ARFIP1: variants seen among roughly 807,000 people sequenced by gnomAD.
ARFIP1 encodes the protein arfaptin-1.
ARFIP1 carries 24 observed loss-of-function variants against 42.5 expected under a neutral mutation model. The ratio of observed to expected loss-of-function variants is 0.57; its 90% CI spans 0.41 to 0.80. ARFIP1 has a LOEUF of 0.80. Among genes scored for constraint, ARFIP1 ranks in the 30% least tolerant of loss-of-function variants. ARFIP1 has a pLI of 0.00. For synonymous variants in ARFIP1, 141 were observed against 153.7 expected, an observed-to-expected ratio of 0.92 and a Z score of 0.61; for missense variants, 354 against 434.0, an observed-to-expected ratio of 0.82 and a Z score of 1.64.
intron 1 of ARFIP1, among the ~76,000 whole-genome samples, chr4:152,788,570 A>G (rs574003340): frequency 8.8e-4 from 134 of 152,242 alleles, no homozygotes; most frequent in African/African-American, 3.1e-3. Context: ...GATCTCAGCT[A>G]CTTGGGAGGC....
intron 8 of ARFIP1, among the ~76,000 whole-genome samples, chr4:152,908,171 T>C (rs1282598328): frequency 6.6e-6 from 1 of 152,242 alleles, no homozygotes; most frequent in East Asian, 1.9e-4. Context: ...CTGTGTTATT[T>C]GCTCTTTTTT....
chr4:152,902,811 C>G (rs572791159), intron 8 of ARFIP1, among the ~76,000 whole-genome samples: 2 of 152,314 alleles, frequency 1.3e-5, no homozygotes, highest in East Asian at 3.9e-4. Context: ...TTCTTTGTCT[C>G]TCTCTGAAAG....
intron 1 of ARFIP1, among the ~76,000 whole-genome samples, chr4:152,792,315 CAT>C (rs1180535705): frequency 6.6e-6 from 1 of 152,154 alleles, no homozygotes; most frequent in East Asian, 1.9e-4. Flanking sequence ...TTTGAAGACT[CAT>C]ATTTTATCAT....
intron 2 of ARFIP1, among the ~76,000 whole-genome samples, chr4:152,832,444 T>A (rs1210071767): frequency 6.6e-6 from 1 of 152,220 alleles, no homozygotes; most frequent in Non-Finnish European, 1.5e-5. Flanking sequence ...TTTTTTCTAA[T>A]CTATTTGTAG....
At chr4:152,832,515 C>T (rs1455378375) in intron 2 of ARFIP1, among the ~76,000 whole-genome samples, 2 of 152,086 alleles carry the variant, frequency 1.3e-5, no homozygotes, top group South Asian at 2.1e-4. Context: ...CAAATATCTT[C>T]TTCCAGTCTA....
chr4:152,786,428 T>C (rs1193919124), intron 1 of ARFIP1, among the ~76,000 whole-genome samples: 1 of 152,244 alleles, frequency 6.6e-6, no homozygotes, highest in Non-Finnish European at 1.5e-5. Context: ...TCCAGAAAAC[T>C]AGAAGTGATC....
intron 1 of ARFIP1, among the ~76,000 whole-genome samples, chr4:152,791,200 T>A (rs1283593660): frequency 6.6e-6 from 1 of 152,202 alleles, no homozygotes; most frequent in African/African-American, 2.4e-5. Context: ...GTTATTCTAT[T>A]TATAAAAATA....
chr4:152,880,825 A>T lies in ARFIP1; in HGVS notation c.412-138A>T, dbSNP rs1439894670. ...TGGTGAATTTACTTTCTGAGTCCTGATCAAGTAAGGGAGCTGACAATTTTC... is the reference window on the plus strand; with the variant it reads ...TGGTGAATTTACTTTCTGAGTCCTGTTCAAGTAAGGGAGCTGACAATTTTC... On this transcript the variant is annotated intron_variant, in intron 5 of 8. Transcript: ENST00000353617. The T allele has an allele frequency of 7.7e-5, 49 of 639,426 alleles. No homozygotes were observed. The East Asian group carries it at 1.3e-3, about 17-fold the overall frequency. 39.6% of individuals were successfully genotyped at this position (639,426 alleles called of 1,614,324 possible). A position where few individuals can be genotyped will look rare whatever the true frequency, so the allele number is the denominator to read the frequency against.
chr4:152,851,935 A>G (rs540247167), intron 2 of ARFIP1, among the ~76,000 whole-genome samples: 4 of 152,364 alleles, frequency 2.6e-5, no homozygotes, highest in East Asian at 1.9e-4. Context: ...TATGAAAGCT[A>G]TTACTACAAA....
At chr4:152,866,343 C>T (rs1441362578) in intron 3 of ARFIP1, among the ~76,000 whole-genome samples, 1 of 152,258 alleles carries the variant, frequency 6.6e-6, no homozygotes, top group Admixed American at 6.5e-5. Flanking sequence ...TTCCACAAAA[C>T]CGCCATTGTC....
chr4:152,834,641 C>T (rs999427756), intron 2 of ARFIP1, among the ~76,000 whole-genome samples: 5 of 152,336 alleles, frequency 3.3e-5, no homozygotes, highest in South Asian at 2.1e-4. Flanking sequence ...GGGATGGGCA[C>T]CTCAGGCTTT....
chr4:152,842,138 G>C (rs1732141348), intron 2 of ARFIP1, among the ~76,000 whole-genome samples: 1 of 152,084 alleles, frequency 6.6e-6, no homozygotes, highest in Non-Finnish European at 1.5e-5. Flanking sequence ...ATAGTAAAGA[G>C]AGCTCACTAA....
At chr4:152,801,522 G>A (rs541217610) in intron 1 of ARFIP1, among the ~76,000 whole-genome samples, 37 of 152,196 alleles carry the variant, frequency 2.4e-4, no homozygotes, top group African/African-American at 8.7e-4. Context: ...GTAATTATCC[G>A]GATTTCACCA....
At chr4:152,802,575 T>C (rs1054148783) in intron 1 of ARFIP1, among the ~76,000 whole-genome samples, 5 of 152,150 alleles carry the variant, frequency 3.3e-5, no homozygotes, top group African/African-American at 1.2e-4. Context: ...TACCACTTTG[T>C]TTTTGTTTGC....
At chr4:152,870,028 T>C (rs960308017) in intron 3 of ARFIP1, among the ~76,000 whole-genome samples, 5 of 152,210 alleles carry the variant, frequency 3.3e-5, no homozygotes, top group African/African-American at 7.2e-5. Context: ...GTGATTCTTA[T>C]AATGTCAAAA....
At chr4:152,818,374 A>G (rs1730077685) in intron 1 of ARFIP1, among the ~76,000 whole-genome samples, 1 of 152,226 alleles carries the variant, frequency 6.6e-6, no homozygotes, top group Non-Finnish European at 1.5e-5. Flanking sequence ...AACCCTGTCC[A>G]GCACTGGAGC....
chr4:152,814,723 A>G (rs2149835108), intron 1 of ARFIP1, among the ~76,000 whole-genome samples: 1 of 152,284 alleles, frequency 6.6e-6, no homozygotes, highest in East Asian at 1.9e-4. Flanking sequence ...AAGGTAAGGT[A>G]AAGGTAAAAG....
intron 8 of ARFIP1, among the ~76,000 whole-genome samples, chr4:152,909,073 C>A (rs1403006341): frequency 1.3e-5 from 2 of 152,088 alleles, no homozygotes; most frequent in Admixed American, 6.6e-5. Context: ...TCTTATTTAA[C>A]ATTTTGCAGT....
intron 1 of ARFIP1, among the ~76,000 whole-genome samples, chr4:152,819,215 C>G (rs941997391): frequency 6.6e-6 from 1 of 152,120 alleles, no homozygotes; most frequent in African/African-American, 2.4e-5. Flanking sequence ...TGGCACAGCC[C>G]CGTTACAGCA....
Sources: gnomAD v4.1 joint callset for allele counts (sites outside exome capture counted in the v4.1 genomes callset) on GRCh38, gnomAD v4.1.1 for gene constraint, MANE v1.5 for transcripts, NCBI Gene and HGNC (gene_info 2026-07-23, HGNC 2026-07-21) for gene names.